RANBP2: variants seen among roughly 807,000 people sequenced by gnomAD.
The protein encoded by RANBP2 is E3 SUMO-protein ligase RanBP2.
In RANBP2, 57 loss-of-function variants were observed where a neutral mutation model predicts 303.6. The ratio of observed to expected loss-of-function variants is 0.19; its 90% CI spans 0.15 to 0.23. RANBP2 has a LOEUF of 0.23. Ranked by LOEUF, RANBP2 falls within the 10% of genes least tolerant of loss-of-function variation. The pLI is 1.00. For missense variants in RANBP2, 3,138 were observed against 3,780.8 expected (o/e 0.83, Z 4.46); for synonymous variants, 1,167 against 1,301.5 (o/e 0.90, Z 2.23).
At chr2:109,528,431 A>G in the RANBP2 span, among the ~76,000 whole-genome samples, 3 of 152,308 alleles carry the variant, frequency 2.0e-5, no homozygotes, top group Admixed American at 2.0e-4. Flanking sequence ...TCAGAGCCCA[A>G]TCCTTCCATG....
At chr2:109,482,060 G>A in the RANBP2 span, among the ~76,000 whole-genome samples, 4 of 152,280 alleles carry the variant, frequency 2.6e-5, no homozygotes, top group East Asian at 1.9e-4. Context: ...TAATTTTCAC[G>A]ATAAGGCAGT....
chr2:109,485,239 G>T, the RANBP2 span, among the ~76,000 whole-genome samples: 3 of 102,152 alleles, frequency 2.9e-5, 1 homozygote, highest in South Asian at 9.3e-4. Context: ...TGAAAGAAGT[G>T]GTGGGACAGC....
the RANBP2 span, among the ~76,000 whole-genome samples, chr2:108,851,821 G>A: frequency 5.3e-5 from 8 of 152,134 alleles, no homozygotes; most frequent in East Asian, 1.4e-3. Context: ...CTAATGAGAC[G>A]AAAACCTATA....
chr2:109,322,656 CT>C, the RANBP2 span, among the ~76,000 whole-genome samples: 1 of 152,192 alleles, frequency 6.6e-6, no homozygotes, highest in Non-Finnish European at 1.5e-5. Flanking sequence ...CAGAAATAAC[CT>C]TTTAAAAAGG....
chr2:108,826,396 T>C, the RANBP2 span, among the ~76,000 whole-genome samples: 3 of 152,200 alleles, frequency 2.0e-5, no homozygotes, highest in African/African-American at 7.2e-5. Context: ...CCTCTTAACA[T>C]GTTTAGGCCT....
At chr2:109,338,204 A>G in the RANBP2 span, among the ~76,000 whole-genome samples, 1 of 152,208 alleles carries the variant, frequency 6.6e-6, no homozygotes, top group Non-Finnish European at 1.5e-5. Context: ...GGAGTAACTC[A>G]TCTGTATTAA....
chr2:109,404,234 C>A, the RANBP2 span, among the ~76,000 whole-genome samples: 7 of 152,188 alleles, frequency 4.6e-5, no homozygotes, highest in Admixed American at 4.6e-4. Context: ...GAAATATCCA[C>A]TGTCAAGCTC....
the RANBP2 span, among the ~76,000 whole-genome samples, chr2:109,032,626 A>G: frequency 0.014 from 2,097 of 152,264 alleles, 34 homozygotes; most frequent in African/African-American, 0.047. Flanking sequence ...CTGAGAGCAG[A>G]GGCCTTGGCC....
chr2:108,898,887 A>T, the RANBP2 span, among the ~76,000 whole-genome samples: 4 of 152,254 alleles, frequency 2.6e-5, no homozygotes, highest in Non-Finnish European at 5.9e-5. Flanking sequence ...TTACTCAATC[A>T]GAGAAAATAA....
At chr2:109,129,333 TCCCCGCCACGCAGGCC>T in the RANBP2 span, 11 of 1,306 alleles carry the variant, frequency 8.4e-3, no homozygotes, top group Non-Finnish European at 0.2. Flanking sequence ...GGCTGGCCGG[TCCCCGCCACGCAGGCC>T]GGTCCCCGCC....
At chr2:108,787,357 T>C (rs1679035000), downstream of RANBP2, among the ~76,000 whole-genome samples, 1 of 152,206 alleles carries the variant, frequency 6.6e-6, no homozygotes, top group African/African-American at 2.4e-5. Flanking sequence ...TACCATTCGT[T>C]CTCTCCCCTT....
At chr2:109,524,324 C>T in the RANBP2 span, among the ~76,000 whole-genome samples, 1 of 151,742 alleles carries the variant, frequency 6.6e-6, no homozygotes, top group African/African-American at 2.4e-5. Flanking sequence ...GTCACCTTCT[C>T]ATGACATGGG....
the RANBP2 span, among the ~76,000 whole-genome samples, chr2:109,134,472 G>A: frequency 6.6e-6 from 1 of 152,208 alleles, no homozygotes; most frequent in Non-Finnish European, 1.5e-5. Context: ...CAGCCAGCGA[G>A]TGAATAATCT....
the RANBP2 span, chr2:108,895,294 A>ACTT: frequency 1.3e-5 from 2 of 152,602 alleles, no homozygotes; most frequent in Admixed American, 1.3e-4. Context: ...CAGTCATGCA[A>ACTT]CTTGTAATTT....
chr2:108,990,154 G>A, the RANBP2 span, among the ~76,000 whole-genome samples: 19 of 152,292 alleles, frequency 1.2e-4, no homozygotes, highest in East Asian at 3.1e-3. Context: ...AAATTAGGCC[G>A]GGCGCGGTGG....
At chr2:108,820,087 C>CTTG in the RANBP2 span, among the ~76,000 whole-genome samples, 3 of 152,066 alleles carry the variant, frequency 2.0e-5, no homozygotes, top group Non-Finnish European at 4.4e-5. Flanking sequence ...CAGAAGACAT[C>CTTG]AACACACTTG....
At chr2:109,112,411 T>C in the RANBP2 span, among the ~76,000 whole-genome samples, 2 of 152,190 alleles carry the variant, frequency 1.3e-5, no homozygotes, top group Non-Finnish European at 2.9e-5. Context: ...TCATGTGTTT[T>C]TTGGCTGCAT....
chr2:108,974,854 G>A, the RANBP2 span, among the ~76,000 whole-genome samples: 2 of 152,124 alleles, frequency 1.3e-5, no homozygotes, highest in African/African-American at 2.4e-5. Flanking sequence ...CCACCACCCC[G>A]AGCTGCCTCA....
At chr2:108,803,459 T>C in the RANBP2 span, among the ~76,000 whole-genome samples, 3 of 152,228 alleles carry the variant, frequency 2.0e-5, no homozygotes, top group African/African-American at 7.2e-5. Context: ...TTAATTGTTT[T>C]AGAGACAGAG....
Sources: gnomAD v4.1 joint callset for allele counts (sites outside exome capture counted in the v4.1 genomes callset) on GRCh38, gnomAD v4.1.1 for gene constraint, MANE v1.5 for transcripts, NCBI Gene and HGNC (gene_info 2026-07-23, HGNC 2026-07-21) for gene names.